Variants in METTL16 observed in about 807,000 individuals in gnomAD.
METTL16 encodes the protein methyltransferase 16, RNA N6-adenosine, also known as RNA N(6)-adenosine-methyltransferase METTL16.
Under a neutral mutation model 57.9 loss-of-function variants are expected in METTL16, and 19 were observed. The ratio of observed to expected loss-of-function variants is 0.33; its 90% CI spans 0.23 to 0.48. The LOEUF is 0.48. Among genes scored for constraint, METTL16 ranks in the 20% least tolerant of loss-of-function variants. The pLI, the probability that METTL16 is intolerant of heterozygous loss-of-function variation, is 0.99. For missense variants in METTL16, 434 were observed against 691.5 expected (o/e 0.63, Z 4.18); for synonymous variants, 246 against 255.6 (o/e 0.96, Z 0.36).
At chr17:2,459,712 T>C (rs546499559) in intron 6 of METTL16, among the ~76,000 whole-genome samples, 21 of 152,254 alleles carry the variant, frequency 1.4e-4, no homozygotes, top group Non-Finnish European at 2.9e-4. Context: ...TATAAAAATA[T>C]GCATGGGGGC....
chr17:2,484,336 C>G (rs554883581), intron 2 of METTL16, among the ~76,000 whole-genome samples: 9 of 152,000 alleles, frequency 5.9e-5, no homozygotes, highest in Non-Finnish European at 1.2e-4. Context: ...TCAATTAAAC[C>G]AAAGAAATGT....
chr17:2,487,219 G>GT (rs2151573388), intron 2 of METTL16, among the ~76,000 whole-genome samples: 1 of 152,264 alleles, frequency 6.6e-6, no homozygotes, highest in African/African-American at 2.4e-5. Context: ...ACTGAAGTTA[G>GT]TAACTCTGGC....
intron 8 of METTL16, among the ~76,000 whole-genome samples, chr17:2,422,154 A>G (rs987550192): frequency 2.6e-5 from 4 of 152,000 alleles, no homozygotes; most frequent in African/African-American, 9.7e-5. Context: ...TCTACCAAAA[A>G]TACAAAAATT....
intron 2 of METTL16, among the ~76,000 whole-genome samples, chr17:2,498,909 A>G (rs902642856): frequency 6.6e-6 from 1 of 151,490 alleles, no homozygotes; most frequent in Non-Finnish European, 1.5e-5. Context: ...ACTGCACCCC[A>G]GCCACGCTTC....
chr17:2,492,554 G>A (rs1393837071), intron 2 of METTL16, among the ~76,000 whole-genome samples: 1 of 151,852 alleles, frequency 6.6e-6, no homozygotes, highest in African/African-American at 2.4e-5. Flanking sequence ...TCCTTTTCAG[G>A]TGAGAAGATT....
chr17:2,461,799 C>T (rs1256643927), intron 6 of METTL16, among the ~76,000 whole-genome samples: 1 of 152,044 alleles, frequency 6.6e-6, no homozygotes, highest in African/African-American at 2.4e-5. Flanking sequence ...GGCTGGTCTC[C>T]AACTCCTGAC....
At chr17:2,428,957 C>T (rs1240825791) in intron 8 of METTL16, among the ~76,000 whole-genome samples, 1 of 152,064 alleles carries the variant, frequency 6.6e-6, no homozygotes, top group African/African-American at 2.4e-5. Context: ...CTCCTGGGTT[C>T]AAGTGATTCT....
At chr17:2,424,070 T>C (rs1198690355) in intron 8 of METTL16, 1 of 151,822 alleles carries the variant, frequency 6.6e-6, no homozygotes, top group Non-Finnish European at 1.5e-5. Context: ...TTCCTGAAGA[T>C]TTTTTAAAAA....
intron 1 of METTL16, 128 bp from the exon 2 acceptor site, chr17:2,502,459 C>G (rs946832433): frequency 2.6e-6 from 2 of 779,632 alleles, no homozygotes; most frequent in Admixed American, 2.4e-5. Flanking sequence ...TCACCTGATT[C>G]AGGAGTTCAA....
At position 2,507,003 on chromosome 17, in the gene METTL16, C is replaced by T. The variant is rs1323437316; in HGVS notation, c.1-4672G>A. On this transcript the variant is annotated intron_variant, in intron 1 of 9. Transcript: ENST00000263092. ...CCGTCGGAGAAGTGAGGAGCCCCTC[C>T]GCCCGGCAGCCACCCCGTCTGGGAA... Among the ~76,000 whole-genome samples, 396 of 112,716 alleles carry T rather than the reference C, an allele frequency of 3.5e-3. 2 individuals carry two copies. Among genetic ancestry groups the T allele is most frequent in the Middle Eastern group, 0.023 (5 of 216 alleles). 73.9% of individuals were successfully genotyped at this position (112,716 alleles called of 152,430 possible).
intron 3 of METTL16, chr17:2,475,383 C>T (rs904082730): frequency 2.0e-5 from 3 of 152,158 alleles, no homozygotes; most frequent in Non-Finnish European, 4.4e-5. Flanking sequence ...GCTAGCCGTT[C>T]TAGTAAGCCA....
At chr17:2,457,287 G>A (rs568795798) in intron 6 of METTL16, among the ~76,000 whole-genome samples, 49 of 138,734 alleles carry the variant, frequency 3.5e-4, no homozygotes, top group Middle Eastern at 8.0e-3. Flanking sequence ...GCAGTGAGCC[G>A]AGATCGCGCC....
At chr17:2,422,173 A>G (rs1187070176) in intron 8 of METTL16, among the ~76,000 whole-genome samples, 1 of 151,794 alleles carries the variant, frequency 6.6e-6, no homozygotes, top group South Asian at 2.1e-4. Flanking sequence ...TTAGCTGGGC[A>G]TGGGGGCACG....
At chr17:2,425,331 T>C (rs191641367) in intron 8 of METTL16, among the ~76,000 whole-genome samples, 55 of 152,328 alleles carry the variant, frequency 3.6e-4, no homozygotes, top group Admixed American at 1.1e-3. Flanking sequence ...AAGGCGTACA[T>C]AAATAATTCA....
At chr17:2,495,160 G>A (rs1186268902) in intron 2 of METTL16, among the ~76,000 whole-genome samples, 1 of 151,432 alleles carries the variant, frequency 6.6e-6, no homozygotes. Flanking sequence ...GACCAGATGG[G>A]GTGAAACAAC....
In METTL16 at chr17:2,490,530, G is replaced by C. The variant is rs144041457; in HGVS notation, c.128+11674C>G. On this transcript the variant is annotated intron_variant, in intron 2 of 9. Coordinates refer to ENST00000263092, the MANE Select transcript of METTL16 (RefSeq NM_024086.4). ...TTTAGGGTGAAAGAACTGACTTTTT[G>C]TATGTATGTGACATTACCATTATAA... 2.3e-3 allele frequency among the ~76,000 whole-genome samples: 348 copies of C among 152,266 alleles called. 3 individuals are homozygous for C. In the South Asian group the frequency reaches 0.027, roughly 12 times the overall value.
intron 1 of METTL16, among the ~76,000 whole-genome samples, chr17:2,506,997 C>A (rs1315725317): frequency 8.9e-6 from 1 of 112,976 alleles, no homozygotes; most frequent in African/African-American, 2.9e-5. Context: ...AAGTGAGGAG[C>A]CCCTCCGCCC....
intron 5 of METTL16, among the ~76,000 whole-genome samples, chr17:2,467,370 G>C (rs1185840906): frequency 6.6e-6 from 1 of 152,166 alleles, no homozygotes; most frequent in East Asian, 1.9e-4. Flanking sequence ...TTAAAAAATA[G>C]TAAGTTAATT....
intron 4 of METTL16, among the ~76,000 whole-genome samples, chr17:2,469,823 T>G (rs1282385132): frequency 6.6e-6 from 1 of 151,878 alleles, no homozygotes. Context: ...ACCCGGCCTA[T>G]GTACTGAAAT....
Sources: allele counts gnomAD v4.1 joint callset (sites outside exome capture counted in the v4.1 genomes callset), GRCh38; gene constraint gnomAD v4.1.1; transcripts MANE v1.5; gene names NCBI Gene and HGNC (gene_info 2026-07-23, HGNC 2026-07-21).